Variants in FGF5 observed in about 807,000 individuals in gnomAD.
FGF5 encodes heparin-binding growth factor 5.
FGF5 carries 23 observed loss-of-function variants against 21.8 expected under a neutral mutation model. The observed-to-expected ratio is 1.05, with a 90% CI of 0.76 to 1.49. FGF5 has a LOEUF of 1.49. Among genes scored for constraint, FGF5 ranks in the 40% most tolerant of loss-of-function variants. The pLI is 0.00. For missense variants in FGF5, 352 were observed against 332.9 expected (o/e 1.06, Z -0.45); for synonymous variants, 158 against 124.0 (o/e 1.27, Z -1.82).
At position 80,290,970 on chromosome 4, in the gene FGF5, G is replaced by C. The variant is rs1054599772; in HGVS notation, c.*4298G>C. 2.0e-5 allele frequency: 3 copies of C among 152,116 alleles called. No individual in the cohort carries two copies. Among genetic ancestry groups the C allele is most frequent in the African/African-American group, 7.2e-5 (3 of 41,422 alleles). The allele number at this position is 152,116 out of a possible 1,614,324, so 9.4% of individuals were successfully genotyped here. ...ACATTTGGGTTGGTTCCAAGTCTTTGCTATTGTGAATAGTGCTGCAATAAA... is the reference window on the plus strand; with the variant it reads ...ACATTTGGGTTGGTTCCAAGTCTTTCCTATTGTGAATAGTGCTGCAATAAA... On this transcript the variant is annotated 3_prime_UTR_variant, in exon 3 of 3. Transcript: ENST00000312465.
At position 80,286,761 on chromosome 4, in the gene FGF5, C is replaced by T; in HGVS notation, c.*89C>T. ...AGTTCTGAAGAAAAATTACTGGACA[C>T]AGCTTCAGCTATACTTACACTGTAT... On this transcript the variant is annotated 3_prime_UTR_variant, in exon 3 of 3. Transcript: ENST00000312465. 1 of 913,546 alleles carries T rather than the reference C, an allele frequency of 1.1e-6. No individual in the cohort carries two copies. The highest frequency in any genetic ancestry group is 1.7e-6 in the Non-Finnish European group (1 of 595,652). The allele number at this position is 913,546 out of a possible 1,614,324, so 56.6% of individuals were successfully genotyped here.
rs1032417031 is a variant in FGF5, at chr4:80,267,291, G to A, written c.355+112G>A. 6.7e-5 allele frequency: 56 copies of A among 841,450 alleles called. 4 individuals are homozygous for A. In the South Asian group the frequency reaches 9.7e-4, roughly 15 times the overall value. 52.1% of individuals were successfully genotyped at this position (841,450 alleles called of 1,614,324 possible). ...TCACCTTCCTGAGCCCAGGCCACTG[G>A]GACCAAGCTGATACTCAGAAACAGC... On this transcript the variant is annotated intron_variant, in intron 1 of 2. Coordinates refer to ENST00000312465, the MANE Select transcript of FGF5 (RefSeq NM_004464.4).
intron 2 of FGF5, among the ~76,000 whole-genome samples, chr4:80,275,744 C>T (rs1720393332): frequency 6.6e-6 from 1 of 151,932 alleles, no homozygotes; most frequent in African/African-American, 2.4e-5. Context: ...GCTTAGTTTT[C>T]CCACTCACAG....
chr4:80,278,879 T>C (rs1015300262), intron 2 of FGF5, among the ~76,000 whole-genome samples: 3 of 149,656 alleles, frequency 2.0e-5, no homozygotes, highest in Admixed American at 6.7e-5. Flanking sequence ...TCCAAATGTA[T>C]CAAGAATCAT....
At chr4:80,286,200 A>C in intron 2 of FGF5, 125 bp from the exon 3 acceptor site, 1 of 614,610 alleles carries the variant, frequency 1.6e-6, no homozygotes, top group Non-Finnish European at 2.8e-6. Context: ...CTTTATAAAA[A>C]GGAATTGAGT....
chr4:80,269,390 C>A (rs1720205804), intron 1 of FGF5, among the ~76,000 whole-genome samples: 1 of 152,074 alleles, frequency 6.6e-6, no homozygotes, highest in Non-Finnish European at 1.5e-5. Context: ...TACGAAGACA[C>A]TATATGAGAC....
At chr4:80,275,454 A>T (rs1720384546) in intron 2 of FGF5, among the ~76,000 whole-genome samples, 1 of 152,000 alleles carries the variant, frequency 6.6e-6, no homozygotes, top group Non-Finnish European at 1.5e-5. Flanking sequence ...AAATATTTTC[A>T]TATTAACAAG....
intron 2 of FGF5, among the ~76,000 whole-genome samples, chr4:80,280,193 C>A (rs763006968): frequency 3.3e-5 from 5 of 152,188 alleles, no homozygotes; most frequent in Non-Finnish European, 7.3e-5. Flanking sequence ...CCTCTAAGAG[C>A]TTTCAATATA....
intron 2 of FGF5, among the ~76,000 whole-genome samples, chr4:80,276,151 C>A (rs1720404510): frequency 6.6e-6 from 1 of 151,842 alleles, no homozygotes; most frequent in Non-Finnish European, 1.5e-5. Flanking sequence ...TTTGAGGATT[C>A]GATGAGATAA....
intron 1 of FGF5, chr4:80,268,643 G>T (rs1358852245): frequency 3.3e-5 from 15 of 452,638 alleles, no homozygotes; most frequent in African/African-American, 4.2e-5. Flanking sequence ...GGTTCATGCT[G>T]AGAGAAAAGC....
Position 80,287,972 on chromosome 4 carries a change from T to C in FGF5, c.*1300T>C, listed in dbSNP as rs1193931491. ...ATTTAATTTCAACCTAAATACTGAC[T>C]GCTGGACATAAATCACAGAAAATTT... On this transcript the variant is annotated 3_prime_UTR_variant, in exon 3 of 3. Transcript: ENST00000312465. 1 of 152,188 alleles carries C rather than the reference T, an allele frequency of 6.6e-6. No homozygotes were observed. The highest frequency in any genetic ancestry group is 1.5e-5 in the Non-Finnish European group (1 of 68,016). The allele number at this position is 152,188 out of a possible 1,614,324, so 9.4% of individuals were successfully genotyped here. A position where few individuals can be genotyped will look rare whatever the true frequency, so the allele number is the denominator to read the frequency against.
chr4:80,277,603 TA>T (rs1454987808), intron 2 of FGF5, among the ~76,000 whole-genome samples: 4 of 152,136 alleles, frequency 2.6e-5, no homozygotes, highest in Non-Finnish European at 2.9e-5. Flanking sequence ...TAAATATGAC[TA>T]TTTGATTTAG....
At position 80,269,247 on chromosome 4, in the gene FGF5, C is replaced by T. The variant is rs186708948; in HGVS notation, c.355+2068C>T. Among the ~76,000 whole-genome samples, 18 of 152,222 alleles carry T rather than the reference C, an allele frequency of 1.2e-4. No homozygotes were observed. In the East Asian group the frequency reaches 3.5e-3, roughly 29 times the overall value. On this transcript the variant is annotated intron_variant, in intron 1 of 2. Transcript: ENST00000312465. ...AGGATAACTTCCGTGAGCTCAAGGG[C>T]GGACCCCAAACTAGCAGGCAGCAAG... is the stretch of plus-strand genomic sequence containing the variant.
intron 1 of FGF5, among the ~76,000 whole-genome samples, chr4:80,268,806 C>A (rs1010636094): frequency 2.0e-5 from 3 of 152,226 alleles, no homozygotes; most frequent in Non-Finnish European, 2.9e-5. Context: ...CCCTCACACT[C>A]CCGAGAGGAA....
upstream of FGF5, chr4:80,266,605 G>T (rs534638922): frequency 2.1e-4 from 112 of 536,870 alleles, 2 homozygotes; most frequent in South Asian, 3.0e-3. Context: ...CTTCGCAGGC[G>T]TGCACGGAGC....
rs552941218 is a variant in FGF5 at position 80,290,493 on chromosome 4, G to A, written c.*3821G>A. Reference sequence around the variant, plus strand: ...AGGGAACAAGATGCTGATCCAACCTGAGTGGAGTCAGGTGAGGCATCTTTA... The same window carrying A: ...AGGGAACAAGATGCTGATCCAACCTAAGTGGAGTCAGGTGAGGCATCTTTA... On this transcript the variant is annotated 3_prime_UTR_variant, in exon 3 of 3. Coordinates refer to ENST00000312465, the MANE Select transcript of FGF5 (RefSeq NM_004464.4). 40 of 152,244 alleles carry A rather than the reference G, an allele frequency of 2.6e-4. No individual in the cohort carries two copies. Among genetic ancestry groups the A allele is most frequent in the African/African-American group, 8.7e-4 (36 of 41,546 alleles). 9.4% of individuals were successfully genotyped at this position (152,244 alleles called of 1,614,324 possible).
Position 80,266,689 on chromosome 4 carries a change from C to A in FGF5, c.-136C>A. 1.4e-6 allele frequency: 1 copy of A among 738,762 alleles called. No individual in the cohort carries two copies. The highest frequency in any genetic ancestry group is 2.7e-5 in the Admixed American group (1 of 36,378). 45.8% of individuals were successfully genotyped at this position (738,762 alleles called of 1,614,324 possible). On this transcript the variant is annotated 5_prime_UTR_variant, in exon 1 of 3. Transcript: ENST00000312465. ...GCTCGGGTGGCCTCTCTCTTCCCCT[C>A]TCCCCTTCTCTTCCCCGAGGCTATG...
intron 2 of FGF5, among the ~76,000 whole-genome samples, chr4:80,277,569 G>C (rs1384506041): frequency 6.6e-6 from 1 of 152,096 alleles, no homozygotes; most frequent in Non-Finnish European, 1.5e-5. Flanking sequence ...AGTTAAACAT[G>C]CTGGGAAATT....
chr4:80,267,960 C>G (rs1183316576), intron 1 of FGF5, among the ~76,000 whole-genome samples: 1 of 152,166 alleles, frequency 6.6e-6, no homozygotes, highest in East Asian at 1.9e-4. Context: ...GAGTGGCCAG[C>G]CTTTGGTCCC....
Sources: allele counts gnomAD v4.1 joint callset (sites outside exome capture counted in the v4.1 genomes callset), GRCh38; gene constraint gnomAD v4.1.1; transcripts MANE v1.5; gene names NCBI Gene and HGNC (gene_info 2026-07-23, HGNC 2026-07-21).